CFAP52: variants seen among roughly 807,000 people sequenced by gnomAD.
CFAP52 encodes the protein cilia- and flagella-associated protein 52.
Under a neutral mutation model 70.5 loss-of-function variants are expected in CFAP52, and 57 were observed. That is an observed-to-expected ratio of 0.81 (90% CI 0.65 to 1.01). The LOEUF is 1.01. Ranked by LOEUF, CFAP52 falls within the 50% of genes least tolerant of loss-of-function variation. The probability of loss-of-function intolerance (pLI) is 0.00; values close to 1 mark genes in which losing one functional copy is unlikely to be tolerated. For missense variants in CFAP52, 785 were observed against 788.5 expected, an observed-to-expected ratio of 1.00 and a Z score of 0.05; for synonymous variants, 267 against 292.5, an observed-to-expected ratio of 0.91 and a Z score of 0.89.
chr17:9,610,019 CAGAGAGAGACAG>C (rs770335445), intron 7 of CFAP52, among the ~76,000 whole-genome samples: 4 of 151,306 alleles, frequency 2.6e-5, no homozygotes, highest in Non-Finnish European at 5.9e-5. Flanking sequence ...GAGACAGAGA[CAGAGAGAGACAG>C]AGAGAGAGAG....
intron 4 of CFAP52, among the ~76,000 whole-genome samples, chr17:9,596,401 C>A (rs917749870): frequency 2.0e-5 from 3 of 151,496 alleles, no homozygotes; most frequent in Non-Finnish European, 4.4e-5. Flanking sequence ...CATGCCTGGC[C>A]CAAAACTTGA....
chr17:9,580,915 T>C (rs1908195725), intron 1 of CFAP52, among the ~76,000 whole-genome samples: 1 of 152,232 alleles, frequency 6.6e-6, no homozygotes, highest in Non-Finnish European at 1.5e-5. Context: ...TTGAATCACT[T>C]ATTCAAGTTT....
chr17:9,593,479 G>A (rs578178723), intron 3 of CFAP52, among the ~76,000 whole-genome samples: 7 of 152,176 alleles, frequency 4.6e-5, no homozygotes, highest in Admixed American at 3.3e-4. Flanking sequence ...TTTTCGAGAC[G>A]CAGTCTCGCT....
chr17:9,621,511 C>A (rs1383361752), intron 8 of CFAP52, among the ~76,000 whole-genome samples: 1 of 29,514 alleles, frequency 3.4e-5, no homozygotes, highest in Non-Finnish European at 6.1e-5. Context: ...TGGGTATATA[C>A]CCAAAGGACT....
chr17:9,586,741 C>T lies in CFAP52; in HGVS notation c.314C>T (p.Ala105Val), dbSNP rs754143724. The stretch of plus-strand genomic sequence containing the variant: ...GATTATAAGAACAGAGAGCTGCTTG[C>T]TCGGCTGTCCCTTCACAAAGGCAAA... ...LWDYKNRELL[A>V]RLSLHKGKIE... is the part of the protein sequence containing the mutation. The change falls in exon 3 of 14, where the codon GCT (alanine) becomes GTT (valine). Residue 105 changes from alanine to valine, a missense_variant. By Grantham distance (64) the Ala-to-Val change is moderately conservative. Transcript: ENST00000352665. The T allele has an allele frequency of 6.2e-7, 1 of 1,613,772 alleles. No homozygotes were observed. Among genetic ancestry groups the T allele is most frequent in the Non-Finnish European group, 8.5e-7 (1 of 1,179,930 alleles).
intron 1 of CFAP52, among the ~76,000 whole-genome samples, chr17:9,584,785 C>T (rs1311484916): frequency 1.3e-5 from 2 of 151,930 alleles, no homozygotes; most frequent in Admixed American, 1.3e-4. Context: ...CCAAGCCCAG[C>T]TAATTTTTTG....
At chr17:9,579,792 T>C (rs1469594878) in intron 1 of CFAP52, among the ~76,000 whole-genome samples, 3 of 152,190 alleles carry the variant, frequency 2.0e-5, no homozygotes, top group African/African-American at 4.8e-5. Flanking sequence ...GGTCTTGAAC[T>C]CCTGACCTCA....
intron 8 of CFAP52, among the ~76,000 whole-genome samples, chr17:9,622,262 T>C (rs1451303231): frequency 6.6e-6 from 1 of 152,140 alleles, no homozygotes; most frequent in East Asian, 1.9e-4. Context: ...GAAAATATGG[T>C]CTCAGCCAGG....
In CFAP52 at chr17:9,632,878, T is replaced by C; in HGVS notation, c.1175-10T>C. ...GATCCTGCCTGCCTTTTGTTTCCCT[T>C]TCATGCCAGCATGGAACGACGGTAA... On this transcript the variant is annotated splice_polypyrimidine_tract_variant and intron_variant, in intron 9 of 13. Transcript: ENST00000352665. The C allele has an allele frequency of 1.2e-6, 2 of 1,613,596 alleles. No homozygotes were observed. Among genetic ancestry groups the C allele is most frequent in the Middle Eastern group, 1.7e-4 (1 of 6,058 alleles).
chr17:9,585,519 A>C lies in CFAP52; in HGVS notation c.71-254A>C, dbSNP rs531155022. 5.8e-4 allele frequency among the ~76,000 whole-genome samples: 89 copies of C among 152,214 alleles called. 1 individual carries two copies. Among genetic ancestry groups the C allele is most frequent in the African/African-American group, 2.1e-3 (86 of 41,528 alleles). On this transcript the variant is annotated intron_variant, in intron 1 of 13. Coordinates refer to ENST00000352665, the MANE Select transcript of CFAP52 (RefSeq NM_145054.5). The stretch of plus-strand genomic sequence containing the variant: ...CCGTCTCTACTAAAAATACAAAAAA[A>C]AATTAGCCAGGTGTGGTGGCGGGTG...
intron 12 of CFAP52, 62 bp from the exon 13 acceptor site, chr17:9,641,662 G>C (rs1158011432): frequency 1.1e-5 from 13 of 1,201,458 alleles, no homozygotes; most frequent in Non-Finnish European, 1.6e-5. Flanking sequence ...TCTTTTGTTA[G>C]CATGTGCATG....
intron 7 of CFAP52, among the ~76,000 whole-genome samples, chr17:9,611,332 T>C (rs551905345): frequency 6.6e-6 from 1 of 152,160 alleles, no homozygotes; most frequent in African/African-American, 2.4e-5. Context: ...CTTAAGGTTC[T>C]GGCAAAGACA....
chr17:9,586,034 C>A, intron 2 of CFAP52, 62 bp downstream of exon 2: 4 of 1,539,020 alleles, frequency 2.6e-6, no homozygotes, highest in South Asian at 1.1e-5. Context: ...AGAAGAACTG[C>A]CCCACTTCAA....
rs933005767 is a variant in CFAP52, at chr17:9,639,903, G to T, written c.1575+1192G>T. Among the ~76,000 whole-genome samples, 8 of 152,288 alleles carry T rather than the reference G, an allele frequency of 5.3e-5. No individual in the cohort carries two copies. The South Asian group carries it at 1.7e-3, about 32-fold the overall frequency. On this transcript the variant is annotated intron_variant, in intron 12 of 13. Coordinates refer to ENST00000352665, the MANE Select transcript of CFAP52 (RefSeq NM_145054.5). ...GGAGAGTGTCAATTTGGCTTCTTTG[G>T]CTGGGAAGGCAGGCAGTCAAGTTCC...
intron 6 of CFAP52, 29 bp downstream of exon 6, chr17:9,600,212 C>A (rs774949419): frequency 1.9e-6 from 3 of 1,568,248 alleles, no homozygotes; most frequent in Non-Finnish European, 2.6e-6. Context: ...CACTGCCCTG[C>A]CATTTTTCTC....
In CFAP52 at chr17:9,615,782, C is replaced by CA. The variant is rs1355927304; in HGVS notation, c.1025+3313dup. Among the ~76,000 whole-genome samples the CA allele has an allele frequency of 2.1e-3, 197 of 92,000 alleles. 1 individual carries two copies. Among genetic ancestry groups the CA allele is most frequent in the South Asian group, 5.5e-3 (15 of 2,728 alleles). 60.4% of individuals were successfully genotyped at this position (92,000 alleles called of 152,430 possible). ...TACCACCATGCCCAGCTAATTAAAA[C>CA]AAAAAAAAAATTCTTTTTTTTTTTT... On this transcript the variant is annotated intron_variant, in intron 8 of 13. Coordinates refer to ENST00000352665, the MANE Select transcript of CFAP52 (RefSeq NM_145054.5).
intron 6 of CFAP52, among the ~76,000 whole-genome samples, chr17:9,605,220 C>T (rs28814717): frequency 0.025 from 3,759 of 152,086 alleles, 160 homozygotes; most frequent in African/African-American, 0.086. Context: ...TAAAGGGATA[C>T]GTAAACTGTG....
chr17:9,582,507 G>A (rs1047633202), intron 1 of CFAP52, among the ~76,000 whole-genome samples: 1 of 152,188 alleles, frequency 6.6e-6, no homozygotes, highest in Non-Finnish European at 1.5e-5. Context: ...AGAAGCATAT[G>A]TTTTCCTTAT....
In CFAP52 at chr17:9,580,730, G is replaced by A. The variant is rs141891194; in HGVS notation, c.70+3965G>A. 4.7e-3 allele frequency among the ~76,000 whole-genome samples: 683 copies of A among 145,106 alleles called. 6 individuals are homozygous for A. Among genetic ancestry groups the A allele is most frequent in the African/African-American group, 0.016 (654 of 39,816 alleles). ...TGCTGTTAAAGCAGTGATGGTTTTT[G>A]CTTCTCAAACTGGCAAAGGCAAAAA... On this transcript the variant is annotated intron_variant, in intron 1 of 13. Coordinates refer to ENST00000352665, the MANE Select transcript of CFAP52 (RefSeq NM_145054.5).
Sources: allele counts gnomAD v4.1 joint callset (sites outside exome capture counted in the v4.1 genomes callset), GRCh38; gene constraint gnomAD v4.1.1; transcripts MANE v1.5; gene names NCBI Gene and HGNC (gene_info 2026-07-23, HGNC 2026-07-21).